Variants in MTRF1 observed in about 807,000 individuals in gnomAD.
The protein encoded by MTRF1 is peptide chain release factor 1, mitochondrial.
A neutral mutation model predicts 62.9 loss-of-function variants in MTRF1; 51 were observed. The observed-to-expected ratio is 0.81, with a 90% confidence interval of 0.65 to 1.02. The LOEUF is 1.02. MTRF1 is among the 50% of genes least tolerant of loss of function. The pLI, the probability that MTRF1 is intolerant of heterozygous loss-of-function variation, is 0.00. For synonymous variants in MTRF1, 158 were observed against 181.9 expected, an observed-to-expected ratio of 0.87 and a Z score of 1.06; for missense variants, 446 against 530.0, an observed-to-expected ratio of 0.84 and a Z score of 1.56.
At chr13:41,295,416 A>T in the MTRF1 span, among the ~76,000 whole-genome samples, 1 of 152,190 alleles carries the variant, frequency 6.6e-6, no homozygotes, top group Non-Finnish European at 1.5e-5. Context: ...TGTACATCAT[A>T]ATCCTGGACA....
the MTRF1 span, among the ~76,000 whole-genome samples, chr13:41,301,943 G>A: frequency 6.6e-6 from 1 of 152,102 alleles, no homozygotes; most frequent in Admixed American, 6.5e-5. Context: ...TATTTGATGA[G>A]ATTCCTAGGG....
At chr13:41,302,535 A>G in the MTRF1 span, among the ~76,000 whole-genome samples, 1 of 149,554 alleles carries the variant, frequency 6.7e-6, no homozygotes, top group Non-Finnish European at 1.5e-5. Flanking sequence ...TTTTTTTTTA[A>G]ATTTTTTTTT....
upstream of MTRF1, among the ~76,000 whole-genome samples, chr13:41,265,635 A>G (rs573043271): frequency 6.0e-5 from 9 of 150,266 alleles, no homozygotes; most frequent in Admixed American, 5.4e-4. Context: ...GTGCCTTTCT[A>G]AAAAGGCACC....
intron 1 of MTRF1, chr13:41,262,354 A>AT (rs952151697): frequency 6.0e-5 from 9 of 150,738 alleles, no homozygotes; most frequent in East Asian, 1.9e-4. Flanking sequence ...AAAAAAAAAA[A>AT]AAAGAAACAT....
the MTRF1 span, chr13:41,311,280 ACCG>A: frequency 7.2e-4 from 389 of 542,898 alleles, no homozygotes; most frequent in Middle Eastern, 1.3e-3. Context: ...GTGCGCGGGA[ACCG>A]CCGCCGCCGC....
chr13:41,274,474 T>A, the MTRF1 span, among the ~76,000 whole-genome samples: 1 of 152,074 alleles, frequency 6.6e-6, no homozygotes, highest in Admixed American at 6.6e-5. Context: ...TATTAATAAA[T>A]CAGAAAACCG....
At chr13:41,225,539 G>A (rs539166457) in intron 8 of MTRF1, among the ~76,000 whole-genome samples, 2 of 152,208 alleles carry the variant, frequency 1.3e-5, no homozygotes, top group South Asian at 4.1e-4. Context: ...AAGAAAGCTA[G>A]AAACGTGAAA....
chr13:41,252,333 T>G (rs903561767), intron 5 of MTRF1: 4 of 176,452 alleles, frequency 2.3e-5, no homozygotes, highest in Non-Finnish European at 4.7e-5. Flanking sequence ...AGTAAAAACC[T>G]TAATATACCT....
intron 5 of MTRF1, among the ~76,000 whole-genome samples, chr13:41,243,322 T>C (rs1414116268): frequency 6.9e-6 from 1 of 145,228 alleles, no homozygotes; most frequent in African/African-American, 2.5e-5. Context: ...CATGAGAAGA[T>C]GGCTTGAGCC....
Position 41,240,261 on chromosome 13 carries a change from C to T in MTRF1, c.870G>A (p.Glu290=). ...MSVIVLPQPD[E]VDVKLDPKDL... ...TTCCCTTGCCTCCTCCTGAGGTTAC[C>T]TCATCTGGCTGAGGAAGGACAATAA... The change falls in exon 6 of 10, where the codon GAG becomes GAA. Residue 290 remains glutamate, a splice_region_variant and synonymous_variant. Coordinates refer to ENST00000379480, the MANE Select transcript of MTRF1 (RefSeq NM_004294.4). 1 of 1,604,540 alleles carries T rather than the reference C, an allele frequency of 6.2e-7. No individual in the cohort carries two copies. The highest frequency in any genetic ancestry group is 8.5e-7 in the Non-Finnish European group (1 of 1,174,662).
At chr13:41,282,836 A>G in the MTRF1 span, among the ~76,000 whole-genome samples, 11 of 152,348 alleles carry the variant, frequency 7.2e-5, no homozygotes, top group East Asian at 9.6e-4. Flanking sequence ...TGATAGGGCT[A>G]TGCCCCATAT....
intron 9 of MTRF1, among the ~76,000 whole-genome samples, chr13:41,219,734 C>T (rs987348372): frequency 4.6e-5 from 7 of 152,106 alleles, no homozygotes. Flanking sequence ...TGTGGTGGCT[C>T]ACGCCTCTAA....
At chr13:41,245,308 A>G (rs2038098954) in intron 5 of MTRF1, among the ~76,000 whole-genome samples, 1 of 151,968 alleles carries the variant, frequency 6.6e-6, no homozygotes, top group Admixed American at 6.6e-5. Flanking sequence ...CAGTGTCACA[A>G]TCTTGGCTCA....
At chr13:41,243,191 C>A (rs2037765194) in intron 5 of MTRF1, among the ~76,000 whole-genome samples, 1 of 151,846 alleles carries the variant, frequency 6.6e-6, no homozygotes, top group Non-Finnish European at 1.5e-5. Context: ...TGCACTCCAG[C>A]CTGGATGACA....
chr13:41,293,187 T>C, the MTRF1 span, among the ~76,000 whole-genome samples: 1 of 152,154 alleles, frequency 6.6e-6, no homozygotes, highest in Non-Finnish European at 1.5e-5. Flanking sequence ...GATGTATTTA[T>C]ACATATATAC....
the MTRF1 span, chr13:41,311,062 A>C: frequency 5.1e-6 from 1 of 194,650 alleles, no homozygotes; most frequent in Non-Finnish European, 1.0e-5. Context: ...GTGACTCACC[A>C]CCCCATGGGA....
the MTRF1 span, among the ~76,000 whole-genome samples, chr13:41,296,974 A>G: frequency 3.3e-5 from 5 of 152,198 alleles, no homozygotes; most frequent in Non-Finnish European, 7.3e-5. Context: ...ATTTGCAATC[A>G]GCTTTAGTCC....
At chr13:41,277,331 C>T in the MTRF1 span, among the ~76,000 whole-genome samples, 1 of 151,930 alleles carries the variant, frequency 6.6e-6, no homozygotes, top group Non-Finnish European at 1.5e-5. Context: ...GGAGTTTCAC[C>T]ATGTTGCCCA....
chr13:41,232,741 C>G (rs945904554), intron 7 of MTRF1, among the ~76,000 whole-genome samples: 3 of 152,124 alleles, frequency 2.0e-5, no homozygotes, highest in African/African-American at 7.2e-5. Flanking sequence ...AAGGAACTCC[C>G]CAACTGCTGA....
Sources: allele counts gnomAD v4.1 joint callset (sites outside exome capture counted in the v4.1 genomes callset), GRCh38; gene constraint gnomAD v4.1.1; transcripts MANE v1.5; gene names NCBI Gene and HGNC (gene_info 2026-07-23, HGNC 2026-07-21).